The following PPP1R1C variants were observed in gnomAD, a reference collection of about 807,000 sequenced individuals.
PPP1R1C encodes protein phosphatase 1 regulatory inhibitor subunit 1C, also known as protein phosphatase 1 regulatory subunit 1C.
A neutral mutation model predicts 17.4 loss-of-function variants in PPP1R1C; 15 were observed. That is an observed-to-expected ratio of 0.86 (90% CI 0.58 to 1.33). PPP1R1C has a LOEUF of 1.33. PPP1R1C is among the 40% of genes most tolerant of loss of function. The pLI, the probability that PPP1R1C is intolerant of heterozygous loss-of-function variation, is 0.00. For missense variants in PPP1R1C, 143 were observed against 130.0 expected, an observed-to-expected ratio of 1.10 and a Z score of -0.48; for synonymous variants, 35 against 43.1, an observed-to-expected ratio of 0.81 and a Z score of 0.73.
At chr2:182,051,938 T>A (rs1231890208) in intron 2 of PPP1R1C, among the ~76,000 whole-genome samples, 1 of 151,784 alleles carries the variant, frequency 6.6e-6, no homozygotes, top group African/African-American at 2.4e-5. Context: ...AGGCTGAGGT[T>A]GCAGTGAGCC....
chr2:182,029,581 C>T (rs1254752966), intron 2 of PPP1R1C, among the ~76,000 whole-genome samples: 42 of 97,272 alleles, frequency 4.3e-4, no homozygotes, highest in East Asian at 1.3e-3. Context: ...CTGAGAGATC[C>T]GCTGTTAGTC....
Position 182,111,224 on chromosome 2 carries a change from A to G in PPP1R1C, c.242-5983A>G, listed in dbSNP as rs147604337. 3.4e-3 allele frequency among the ~76,000 whole-genome samples: 518 copies of G among 152,304 alleles called. 2 individuals are homozygous for G. The highest frequency in any genetic ancestry group is 0.012 in the African/African-American group (502 of 41,580). On this transcript the variant is annotated intron_variant, in intron 4 of 4. Coordinates refer to ENST00000682840, the MANE Select transcript of PPP1R1C (RefSeq NM_001080545.3). ...TTGGGTAACAGTTTTGGTAAAATAT[A>G]GGTAAAAATATACAAAACATACTTA...
At chr2:181,986,267 G>A (rs756692250) in intron 1 of PPP1R1C, 76 bp downstream of exon 1, 3 of 1,185,388 alleles carry the variant, frequency 2.5e-6, no homozygotes, top group Non-Finnish European at 3.8e-6. Flanking sequence ...TAATTGAAAG[G>A]TTCTTTACCT....
intron 4 of PPP1R1C, among the ~76,000 whole-genome samples, chr2:182,105,709 G>A (rs1689225598): frequency 1.3e-5 from 2 of 152,332 alleles, no homozygotes; most frequent in Admixed American, 6.5e-5. Flanking sequence ...GATAGCAGGT[G>A]CTTCCAAGAA....
intron 4 of PPP1R1C, among the ~76,000 whole-genome samples, chr2:182,100,784 G>A (rs1395260560): frequency 6.6e-6 from 1 of 152,078 alleles, no homozygotes; most frequent in Non-Finnish European, 1.5e-5. Context: ...AGGAAACAGC[G>A]GTCATCAGGA....
intron 4 of PPP1R1C, among the ~76,000 whole-genome samples, chr2:182,106,814 C>T (rs1689267327): frequency 6.6e-6 from 1 of 152,164 alleles, no homozygotes; most frequent in South Asian, 2.1e-4. Context: ...GAGCTGTAAA[C>T]ACTCAATCCT....
At chr2:181,986,344 T>C (rs934575657) in intron 1 of PPP1R1C, among the ~76,000 whole-genome samples, 153 bp downstream of exon 1, 1 of 152,204 alleles carries the variant, frequency 6.6e-6, no homozygotes, top group Non-Finnish European at 1.5e-5. Context: ...TTACACATAC[T>C]TGTATTTAAA....
intron 2 of PPP1R1C, among the ~76,000 whole-genome samples, chr2:182,036,115 A>G (rs1458429310): frequency 6.6e-6 from 1 of 152,150 alleles, no homozygotes; most frequent in Non-Finnish European, 1.5e-5. Flanking sequence ...TGAAACTACA[A>G]ATTCAACCTG....
chr2:182,001,007 G>T (rs1490488166), intron 2 of PPP1R1C, among the ~76,000 whole-genome samples: 1 of 152,172 alleles, frequency 6.6e-6, no homozygotes, highest in East Asian at 1.9e-4. Flanking sequence ...ACTAACCTGA[G>T]TGTTCCATGA....
chr2:182,109,363 G>A (rs1410780815), intron 4 of PPP1R1C, among the ~76,000 whole-genome samples: 1 of 152,084 alleles, frequency 6.6e-6, no homozygotes, highest in Admixed American at 6.6e-5. Flanking sequence ...CAGCTTACCT[G>A]TTTCTTTTCT....
At chr2:182,105,599 A>G (rs1340079203) in intron 4 of PPP1R1C, among the ~76,000 whole-genome samples, 7 of 152,188 alleles carry the variant, frequency 4.6e-5, no homozygotes. Context: ...GAGAACTGGT[A>G]TAAAGAAATT....
At chr2:182,025,333 T>A (rs1686569640) in intron 2 of PPP1R1C, among the ~76,000 whole-genome samples, 1 of 143,166 alleles carries the variant, frequency 7.0e-6, no homozygotes, top group South Asian at 2.2e-4. Context: ...GCATTAGGTA[T>A]ATCTCCCAAT....
intron 4 of PPP1R1C, among the ~76,000 whole-genome samples, chr2:182,107,223 A>G (rs1392788515): frequency 6.6e-6 from 1 of 150,712 alleles, no homozygotes; most frequent in Non-Finnish European, 1.5e-5. Context: ...TAATCTTTCA[A>G]TATGTCATGG....
Position 181,962,463 on chromosome 2 carries a change from G to C in PPP1R1C, n.111+7829G>C. ...AGGTAGTTGGTGGAGAAGATGGAGC[G>C]AGTGGTGAAGCTCATGCTATCCAGG... On this transcript the variant is annotated intron_variant and non_coding_transcript_variant, in intron 1 of 5. Transcript: ENST00000464264. The surrounding 1 kb of genome is among the most constrained non-coding windows in gnomAD (Gnocchi z 6.0). The C allele has an allele frequency of 1.4e-6, 1 of 701,566 alleles. No individual in the cohort carries two copies. Among genetic ancestry groups the C allele is most frequent in the South Asian group, 1.4e-5 (1 of 70,820 alleles). The allele number at this position is 701,566 out of a possible 1,614,324, so 43.5% of individuals were successfully genotyped here.
intron 1 of PPP1R1C, 88 bp from the exon 2 acceptor site, chr2:181,987,751 T>TA: frequency 7.5e-7 from 1 of 1,329,800 alleles, no homozygotes; most frequent in South Asian, 1.3e-5. Flanking sequence ...GGGGAAAAGA[T>TA]GAGGGTGAGA....
intron 1 of PPP1R1C, among the ~76,000 whole-genome samples, chr2:181,959,674 T>G (rs1684731431): frequency 6.6e-6 from 1 of 152,164 alleles, no homozygotes; most frequent in South Asian, 2.1e-4. Context: ...ATTTTAGGTG[T>G]ATGAGACTAT....
upstream of PPP1R1C, among the ~76,000 whole-genome samples, chr2:181,982,652 T>TG (rs1290276983): frequency 6.6e-6 from 1 of 152,130 alleles, no homozygotes; most frequent in Admixed American, 6.5e-5. Context: ...GAATATAATT[T>TG]GGGTTAAAAA....
chr2:182,021,066 C>T (rs1465362760), intron 2 of PPP1R1C, among the ~76,000 whole-genome samples: 2 of 152,152 alleles, frequency 1.3e-5, no homozygotes, highest in African/African-American at 4.8e-5. Flanking sequence ...GGTGACTTCT[C>T]TTTCTCAATA....
intron 4 of PPP1R1C, among the ~76,000 whole-genome samples, chr2:182,099,256 T>C (rs757400597): frequency 3.9e-5 from 6 of 152,178 alleles, no homozygotes; most frequent in South Asian, 2.1e-4. Context: ...CAGTTTGATT[T>C]TTGCCTTAAA....
Sources: allele counts gnomAD v4.1 joint callset (sites outside exome capture counted in the v4.1 genomes callset), GRCh38; gene constraint gnomAD v4.1.1; non-coding constraint Gnocchi (gnomAD v3.1); transcripts MANE v1.5; gene names NCBI Gene and HGNC (gene_info 2026-07-23, HGNC 2026-07-21).